Variants in SYT10 observed in about 807,000 individuals in gnomAD.
SYT10 encodes synaptotagmin-10.
Under a neutral mutation model 51.1 loss-of-function variants are expected in SYT10, and 31 were observed. The ratio of observed to expected loss-of-function variants is 0.61; its 90% CI spans 0.46 to 0.82. The LOEUF (loss-of-function observed/expected upper bound fraction) is 0.82. Ranked by LOEUF, SYT10 falls within the 40% of genes least tolerant of loss-of-function variation. The pLI is 0.00. For synonymous variants in SYT10, 233 were observed against 225.9 expected (o/e 1.03, Z -0.28); for missense variants, 603 against 634.0 (o/e 0.95, Z 0.53).
intron 2 of SYT10, among the ~76,000 whole-genome samples, chr12:33,423,627 TCATGA>T (rs1866524423): frequency 6.6e-6 from 1 of 152,148 alleles, no homozygotes; most frequent in Non-Finnish European, 1.5e-5. Flanking sequence ...CTCTAGTCAT[TCATGA>T]TATTCATATA....
intron 4 of SYT10, among the ~76,000 whole-genome samples, chr12:33,384,958 A>G (rs55700792): frequency 0.075 from 11,365 of 152,252 alleles, 1,227 homozygotes; most frequent in African/African-American, 0.23. Context: ...CAAGAACCCA[A>G]ATTCAGATCT....
chr12:33,389,696 A>G (rs772284041), intron 3 of SYT10, among the ~76,000 whole-genome samples: 2 of 152,192 alleles, frequency 1.3e-5, no homozygotes, highest in Non-Finnish European at 2.9e-5. Flanking sequence ...CATTACATCA[A>G]CTTAGCACCT....
intron 2 of SYT10, among the ~76,000 whole-genome samples, chr12:33,416,540 T>C (rs1391939439): frequency 2.0e-5 from 3 of 152,198 alleles, no homozygotes; most frequent in Non-Finnish European, 4.4e-5. Context: ...CATTCTCTTT[T>C]ACAACGTTTC....
intron 2 of SYT10, among the ~76,000 whole-genome samples, chr12:33,419,748 T>C (rs1247175657): frequency 1.3e-5 from 2 of 152,202 alleles, no homozygotes; most frequent in African/African-American, 4.8e-5. Flanking sequence ...TATATTTAAA[T>C]GAATGTATAT....
At position 33,407,076 on chromosome 12, in the gene SYT10, T is replaced by A; in HGVS notation, c.790A>T (p.Thr264Ser). Reference protein sequence around the residue: ...KALDLPAKDFTGTSDPYVKMY... With the variant: ...KALDLPAKDFSGTSDPYVKMY... ...TTCACATAAGGGTCAGAAGTTCCTG[T>A]GAAGTCTTTAGCAGGGAGATCTAAA... The change falls in exon 3 of 7, where the codon ACA becomes TCA. Residue 264 changes from threonine to serine, a missense_variant. Transcript: ENST00000228567. The A allele has an allele frequency of 6.2e-7, 1 of 1,614,134 alleles. No individual in the cohort carries two copies.
intron 2 of SYT10, among the ~76,000 whole-genome samples, chr12:33,413,059 G>C (rs146138867): frequency 0.03 from 4,503 of 152,268 alleles, 186 homozygotes; most frequent in East Asian, 0.13. Flanking sequence ...TAGCTGATTT[G>C]ATCAAGTGGA....
At chr12:33,400,676 A>G (rs1464426718) in intron 3 of SYT10, among the ~76,000 whole-genome samples, 2 of 152,214 alleles carry the variant, frequency 1.3e-5, no homozygotes, top group African/African-American at 2.4e-5. Context: ...TTGTCTACCT[A>G]TATTTTCAAT....
chr12:33,413,840 T>C (rs12821436), intron 2 of SYT10, among the ~76,000 whole-genome samples: 8 of 152,066 alleles, frequency 5.3e-5, no homozygotes, highest in African/African-American at 7.2e-5. Flanking sequence ...ACAATATTAA[T>C]CTTAAATGTA....
At chr12:33,403,233 CTT>C (rs36045526) in intron 3 of SYT10, among the ~76,000 whole-genome samples, 70,205 of 126,888 alleles carry the variant, frequency 0.55, 18,344 homozygotes, top group East Asian at 0.78. Context: ...ATCTGATAGT[CTT>C]TTTTTTTTTT....
At chr12:33,426,087 C>G in intron 2 of SYT10, 51 bp downstream of exon 2, 1 of 1,506,574 alleles carries the variant, frequency 6.6e-7, no homozygotes, top group Middle Eastern at 1.8e-4. Flanking sequence ...CACACACACA[C>G]ACACACACAC....
At chr12:33,389,200 A>G (rs1253982290) in intron 3 of SYT10, among the ~76,000 whole-genome samples, 1 of 152,116 alleles carries the variant, frequency 6.6e-6, no homozygotes, top group Non-Finnish European at 1.5e-5. Flanking sequence ...TAGTTGTTTG[A>G]TGTCTTCTAT....
rs1358372871 is a variant in SYT10 at position 33,437,333 on chromosome 12, T to G, written c.151+2039A>C. On this transcript the variant is annotated intron_variant, in intron 1 of 6. Transcript: ENST00000228567. ...GAGGAAAATATTCTTGCAATTGTTTTAGACTAATTTTTCTCACTTTTTATT... is the reference window on the plus strand; with the variant it reads ...GAGGAAAATATTCTTGCAATTGTTTGAGACTAATTTTTCTCACTTTTTATT... 3.9e-5 allele frequency among the ~76,000 whole-genome samples: 6 copies of G among 152,232 alleles called. 1 individual carries two copies. The South Asian group carries it at 1.2e-3, about 31-fold the overall frequency.
intron 2 of SYT10, among the ~76,000 whole-genome samples, chr12:33,411,324 T>C (rs142305983): frequency 1.1e-3 from 166 of 152,280 alleles, no homozygotes; most frequent in African/African-American, 3.8e-3. Flanking sequence ...CAAGTTTATT[T>C]GGTTAAGATA....
At chr12:33,420,684 A>C (rs1463291517) in intron 2 of SYT10, among the ~76,000 whole-genome samples, 3 of 152,090 alleles carry the variant, frequency 2.0e-5, no homozygotes, top group Non-Finnish European at 2.9e-5. Context: ...AAAAGAACCA[A>C]ATCAGTGTTT....
intron 2 of SYT10, among the ~76,000 whole-genome samples, chr12:33,423,137 T>G (rs1331703856): frequency 6.6e-6 from 1 of 152,186 alleles, no homozygotes. Context: ...TGTGGGAGTT[T>G]CCAGCAATGC....
intron 3 of SYT10, 40 bp from the exon 4 acceptor site, chr12:33,385,331 A>G: frequency 6.2e-7 from 1 of 1,606,756 alleles, no homozygotes; most frequent in Non-Finnish European, 8.5e-7. Flanking sequence ...TCAAACATTG[A>G]AGGGTGAAAA....
intron 1 of SYT10, among the ~76,000 whole-genome samples, chr12:33,434,805 C>G (rs1866624817): frequency 6.6e-6 from 1 of 151,716 alleles, no homozygotes; most frequent in Non-Finnish European, 1.5e-5. Context: ...ACCTCCATCT[C>G]AAAAAAATAA....
rs1454476948 is a variant in SYT10, at chr12:33,376,764, C to T, written c.*66G>A. 1.3e-6 allele frequency: 2 copies of T among 1,584,554 alleles called. No homozygotes were observed. Among genetic ancestry groups the T allele is most frequent in the Non-Finnish European group, 1.7e-6 (2 of 1,156,210 alleles). ...TCAAATGAGGAAACCAAACCTTCCA[C>T]TTTTTTTCTGATTCAATGAGCACGT... On this transcript the variant is annotated 3_prime_UTR_variant, in exon 7 of 7. Coordinates refer to ENST00000228567, the MANE Select transcript of SYT10 (RefSeq NM_198992.4).
At chr12:33,396,425 C>A (rs1387438967) in intron 3 of SYT10, among the ~76,000 whole-genome samples, 2 of 152,090 alleles carry the variant, frequency 1.3e-5, no homozygotes, top group African/African-American at 4.8e-5. Flanking sequence ...TCACAAAGAT[C>A]ACTACTGTTA....
Sources: gnomAD v4.1 joint callset for allele counts (sites outside exome capture counted in the v4.1 genomes callset) on GRCh38, gnomAD v4.1.1 for gene constraint, MANE v1.5 for transcripts, NCBI Gene and HGNC (gene_info 2026-07-23, HGNC 2026-07-21) for gene names.